Variants in RAB5A observed in about 807,000 individuals in gnomAD.
The protein encoded by RAB5A is RAB5A, member RAS oncogene family, also known as ras-related protein Rab-5A.
RAB5A carries 8 observed loss-of-function variants against 25.7 expected under a neutral mutation model. The observed-to-expected ratio is 0.31, with a 90% CI of 0.18 to 0.56. RAB5A has a LOEUF of 0.56. RAB5A is among the 20% of genes least tolerant of loss of function. The pLI, the probability that RAB5A is intolerant of heterozygous loss-of-function variation, is 0.91. For missense variants in RAB5A, 192 were observed against 259.7 expected (o/e 0.74, Z 1.79); for synonymous variants, 98 against 89.8 (o/e 1.09, Z -0.52).
intron 2 of RAB5A, among the ~76,000 whole-genome samples, chr3:19,962,395 C>A (rs1696599380): frequency 6.6e-6 from 1 of 152,074 alleles, no homozygotes; most frequent in Non-Finnish European, 1.5e-5. Flanking sequence ...TAGTGAAACC[C>A]CTTCTCTACT....
At chr3:19,967,986 T>C (rs1045804174) in intron 2 of RAB5A, among the ~76,000 whole-genome samples, 8 of 152,210 alleles carry the variant, frequency 5.3e-5, no homozygotes, top group Non-Finnish European at 1.2e-4. Context: ...TTAGTGCTTA[T>C]CTGTCTGAGA....
At chr3:19,980,680 A>G (rs1422585710) in intron 5 of RAB5A, among the ~76,000 whole-genome samples, 1 of 152,178 alleles carries the variant, frequency 6.6e-6, no homozygotes, top group Non-Finnish European at 1.5e-5. Flanking sequence ...ATTATATACA[A>G]TATATAGTGC....
chr3:19,958,906 T>C (rs1050273692), intron 2 of RAB5A, among the ~76,000 whole-genome samples: 14 of 152,158 alleles, frequency 9.2e-5, no homozygotes, highest in African/African-American at 2.7e-4. Flanking sequence ...ACCACTGCAC[T>C]TCAACCTGGG....
At chr3:19,982,568 G>A (rs1323366662) in intron 5 of RAB5A, among the ~76,000 whole-genome samples, 5 of 152,060 alleles carry the variant, frequency 3.3e-5, no homozygotes, top group South Asian at 2.1e-4. Flanking sequence ...AAAACTAAGC[G>A]GTCGAGCATG....
At chr3:19,959,317 TGA>T (rs1386760781) in intron 2 of RAB5A, among the ~76,000 whole-genome samples, 1 of 152,190 alleles carries the variant, frequency 6.6e-6, no homozygotes, top group African/African-American at 2.4e-5. Context: ...TGGTATAGTT[TGA>T]GAGACAGATT....
At chr3:19,963,371 C>T (rs1278529784) in intron 2 of RAB5A, among the ~76,000 whole-genome samples, 2 of 117,852 alleles carry the variant, frequency 1.7e-5, no homozygotes, top group Non-Finnish European at 3.4e-5. Context: ...TTCACCCCCC[C>T]CCCCCCCGAC....
intron 2 of RAB5A, among the ~76,000 whole-genome samples, chr3:19,966,990 A>G (rs964322666): frequency 6.6e-6 from 1 of 152,154 alleles, no homozygotes; most frequent in Non-Finnish European, 1.5e-5. Flanking sequence ...ACAGAGTCTC[A>G]CTATATTGCT....
intron 2 of RAB5A, among the ~76,000 whole-genome samples, chr3:19,968,545 G>A (rs7615145): frequency 0.17 from 25,860 of 152,046 alleles, 2,133 homozygotes; most frequent in South Asian, 0.21. Flanking sequence ...TGCAACCTCC[G>A]CCTCCAGGAT....
intron 2 of RAB5A, among the ~76,000 whole-genome samples, chr3:19,954,873 C>T (rs1696476638): frequency 6.6e-6 from 1 of 152,066 alleles, no homozygotes; most frequent in Non-Finnish European, 1.5e-5. Flanking sequence ...TGCATCCTAC[C>T]CCTATAGCAC....
At position 19,947,270 on chromosome 3, in the gene RAB5A, CGG is replaced by C; in HGVS notation, c.-344_-343del. On this transcript the variant is annotated 5_prime_UTR_variant, in exon 1 of 6. Transcript: ENST00000273047. ...GAATTAGTCGGAACTCCAGCGCCGG[CGG>C]CGGCGGCGGCGGCGGAGGAGGAGAA... 6.9e-6 allele frequency: 1 copy of C among 144,806 alleles called. No individual in the cohort carries two copies. Among genetic ancestry groups the C allele is most frequent in the Non-Finnish European group, 1.2e-5 (1 of 84,468 alleles). The allele number at this position is 144,806 out of a possible 1,614,324, so 9.0% of individuals were successfully genotyped here.
chr3:19,973,621 A>G (rs1193020887), intron 2 of RAB5A, among the ~76,000 whole-genome samples: 1 of 152,166 alleles, frequency 6.6e-6, no homozygotes, highest in Non-Finnish European at 1.5e-5. Context: ...AAAATGGACA[A>G]TTCTGCTAAT....
At position 19,968,261 on chromosome 3, in the gene RAB5A, TG is replaced by T. The variant is rs1209045974; in HGVS notation, c.164-7339del. ...TTTTTTTTCACTTACACATTGGGAT[TG>T]TTTTTTTAAAGGTACTCAAATATGA... On this transcript the variant is annotated intron_variant, in intron 2 of 5. Transcript: ENST00000273047. Among the ~76,000 whole-genome samples, 9 of 152,322 alleles carry T rather than the reference TG, an allele frequency of 5.9e-5. No homozygotes were observed. In the South Asian group the frequency reaches 6.2e-4, roughly 11 times the overall value.
chr3:19,975,994 C>A, intron 3 of RAB5A, 53 bp from the exon 4 acceptor site: 1 of 1,578,588 alleles, frequency 6.3e-7, no homozygotes, highest in Non-Finnish European at 8.6e-7. Flanking sequence ...CACAAAGATG[C>A]TTGGTAACCA....
At chr3:19,957,396 A>G (rs1696519061) in intron 2 of RAB5A, among the ~76,000 whole-genome samples, 1 of 151,940 alleles carries the variant, frequency 6.6e-6, no homozygotes, top group Admixed American at 6.6e-5. Flanking sequence ...TGCCGGGTGC[A>G]TGGCTCATGC....
At chr3:19,976,214 A>G (rs758199884) in intron 4 of RAB5A, 45 bp downstream of exon 4, 2 of 1,575,688 alleles carry the variant, frequency 1.3e-6, no homozygotes, top group Non-Finnish European at 1.7e-6. Flanking sequence ...TTTTTCCTGT[A>G]TGTTTTTCTT....
In RAB5A at chr3:19,961,662, G is replaced by A. The variant is rs568974219; in HGVS notation, c.163+10601G>A. On this transcript the variant is annotated intron_variant, in intron 2 of 5. Coordinates refer to ENST00000273047, the MANE Select transcript of RAB5A (RefSeq NM_004162.5). Reference sequence around the variant, plus strand: ...TAATCAAATGCATTAATTTGTTCATGTGAGTCAAAATTCAAGAAGTTTATA... The same window carrying A: ...TAATCAAATGCATTAATTTGTTCATATGAGTCAAAATTCAAGAAGTTTATA... 2.0e-3 allele frequency among the ~76,000 whole-genome samples: 297 copies of A among 152,182 alleles called. 1 individual carries two copies. Among genetic ancestry groups the A allele is most frequent in the African/African-American group, 6.9e-3 (288 of 41,532 alleles).
chr3:19,976,788 C>A (rs1696831034), intron 4 of RAB5A, among the ~76,000 whole-genome samples: 1 of 152,210 alleles, frequency 6.6e-6, no homozygotes, highest in Non-Finnish European at 1.5e-5. Context: ...TATGTCCTAA[C>A]CCTCTTCTAC....
chr3:19,975,863 G>C (rs992960151), intron 3 of RAB5A, 111 bp downstream of exon 3: 12 of 1,346,954 alleles, frequency 8.9e-6, no homozygotes, highest in Admixed American at 7.5e-5. Context: ...TGACCTTTCT[G>C]CTGAAGCTTT....
At chr3:19,975,214 CAAAA>C (rs765855763) in intron 2 of RAB5A, among the ~76,000 whole-genome samples, 14 of 114,604 alleles carry the variant, frequency 1.2e-4, no homozygotes, top group Middle Eastern at 3.9e-3. Context: ...ACTCTTGTAT[CAAAA>C]AAAAAAAAAA....
Sources: allele counts gnomAD v4.1 joint callset (sites outside exome capture counted in the v4.1 genomes callset), GRCh38; gene constraint gnomAD v4.1.1; transcripts MANE v1.5; gene names NCBI Gene and HGNC (gene_info 2026-07-23, HGNC 2026-07-21).